The following IL13 variants were observed in gnomAD, a reference collection of about 807,000 sequenced individuals.
The protein encoded by IL13 is interleukin 13, also known as interleukin-13.
Under a neutral mutation model 11.1 loss-of-function variants are expected in IL13, and 9 were observed. The ratio of observed to expected loss-of-function variants is 0.81; its 90% CI spans 0.49 to 1.42. The LOEUF (loss-of-function observed/expected upper bound fraction) is 1.42, where lower values mean the gene tolerates loss of function less well. Ranked by LOEUF, IL13 falls within the 40% of genes most tolerant of loss-of-function variation. The pLI is 0.00. For synonymous variants in IL13, 75 were observed against 76.9 expected (o/e 0.97, Z 0.13); for missense variants, 181 against 182.5 (o/e 0.99, Z 0.05).
Position 132,660,061 on chromosome 5 carries a change from C to T in IL13, c.334-114C>T, listed in dbSNP as rs1752119533. On this transcript the variant is annotated intron_variant, in intron 3 of 3. Coordinates refer to ENST00000304506, the MANE Select transcript of IL13 (RefSeq NM_002188.3). ...CAGTAGAGGTACTAACAGTACCCAC[C>T]TCATGGGGACTTCCGTGAGGACTGA... 2.4e-6 allele frequency: 3 copies of T among 1,251,976 alleles called. No individual in the cohort carries two copies. In the South Asian group the frequency reaches 4.3e-5, roughly 18 times the overall value. The allele number at this position is 1,251,976 out of a possible 1,614,324, so 77.6% of individuals were successfully genotyped here. A position where few individuals can be genotyped will look rare whatever the true frequency, so the allele number is the denominator to read the frequency against.
chr5:132,660,153 T>C, intron 3 of IL13, 22 bp from the exon 4 acceptor site: 2 of 1,611,890 alleles, frequency 1.2e-6, no homozygotes, highest in South Asian at 2.2e-5. Flanking sequence ...TCTACTCATG[T>C]GCTGACCTCT....
At chr5:132,656,848 G>T (rs1438710448), upstream of IL13, among the ~76,000 whole-genome samples, 1 of 152,138 alleles carries the variant, frequency 6.6e-6, no homozygotes, top group Non-Finnish European at 1.5e-5. Flanking sequence ...TGGGAATGAC[G>T]TTCCCTGTGG....
chr5:132,657,949 G>A (rs914902326), upstream of IL13, among the ~76,000 whole-genome samples: 2 of 152,174 alleles, frequency 1.3e-5, no homozygotes, highest in African/African-American at 4.8e-5. Context: ...CTTGCCTGCC[G>A]CTGGAATTAA....
At chr5:132,660,095 G>A in intron 3 of IL13, 80 bp from the exon 4 acceptor site, 1 of 1,435,060 alleles carries the variant, frequency 7.0e-7, no homozygotes, top group South Asian at 1.2e-5. Flanking sequence ...GAATGAGACA[G>A]TCCCTGGAAA....
rs943472993 is a variant in IL13, at chr5:132,658,449, C to T, written c.174+89C>T. On this transcript the variant is annotated intron_variant, in intron 1 of 3. Coordinates refer to ENST00000304506, the MANE Select transcript of IL13 (RefSeq NM_002188.3). The stretch of plus-strand genomic sequence containing the variant: ...GGTCATGAGCAGGCTGGGCCTGGTC[C>T]TAAGATGCCTGTAGGTCAGGAAAAA... 14 of 730,258 alleles carry T rather than the reference C, an allele frequency of 1.9e-5. No individual in the cohort carries two copies. In the Admixed American group the frequency reaches 3.5e-4, roughly 18 times the overall value. The allele number at this position is 730,258 out of a possible 1,614,324, so 45.2% of individuals were successfully genotyped here. A position where few individuals can be genotyped will look rare whatever the true frequency, so the allele number is the denominator to read the frequency against.
In IL13 at chr5:132,660,202, A is replaced by T. The variant is rs1205550748; in HGVS notation, c.361A>T (p.Thr121Ser). 1 of 1,614,206 alleles carries T rather than the reference A, an allele frequency of 6.2e-7. No individual in the cohort carries two copies. Among genetic ancestry groups the T allele is most frequent in the South Asian group, 1.1e-5 (1 of 91,088 alleles). The change falls in exon 4 of 4, where the codon ACC becomes TCC. Residue 121 changes from threonine (T) to serine (S), a missense_variant. Thr to Ser is a moderately conservative substitution (Grantham distance 58). Transcript: ENST00000304506. ...GQFSSLHVRD[T>S]KIEVAQFVKD... ...GTTTTCCAGCTTGCATGTCCGAGACACCAAAATCGAGGTGGCCCAGTTTGT... is the reference window on the plus strand; with the variant it reads ...GTTTTCCAGCTTGCATGTCCGAGACTCCAAAATCGAGGTGGCCCAGTTTGT...
upstream of IL13, among the ~76,000 whole-genome samples, chr5:132,656,783 C>G (rs1752041155): frequency 6.6e-6 from 1 of 152,142 alleles, no homozygotes; most frequent in African/African-American, 2.4e-5. Context: ...GGGCAGACTT[C>G]TGGGAGTCAG....
At chr5:132,656,640 C>T (rs963138427), upstream of IL13, 2 of 152,720 alleles carry the variant, frequency 1.3e-5, no homozygotes, top group South Asian at 2.1e-4. Context: ...GGTAGTTCCC[C>T]GCTCCTTCCC....
intron 1 of IL13, chr5:132,658,736 G>T: frequency 4.8e-6 from 1 of 209,370 alleles, no homozygotes; most frequent in Non-Finnish European, 9.6e-6. Flanking sequence ...ATTCTCCCCA[G>T]CACCATCATA....
Position 132,660,490 on chromosome 5 carries a change from G to A in IL13, c.*208G>A. On this transcript the variant is annotated 3_prime_UTR_variant, in exon 4 of 4. Coordinates refer to ENST00000304506, the MANE Select transcript of IL13 (RefSeq NM_002188.3). ...CCCTTGCCCAGGGCTCAGCCTGGTG[G>A]GCCTCCTCTGTCCAGGGCCCTGAGC... 1.3e-6 allele frequency: 1 copy of A among 771,896 alleles called. No homozygotes were observed. The highest frequency in any genetic ancestry group is 1.9e-6 in the Non-Finnish European group (1 of 518,596). 47.8% of individuals were successfully genotyped at this position (771,896 alleles called of 1,614,324 possible).
chr5:132,658,102 A>G, upstream of IL13: 1 of 712,796 alleles, frequency 1.4e-6, no homozygotes, highest in East Asian at 2.5e-5. Context: ...TAGTGCCTGA[A>G]AAAGCAGAGA....
rs1752132349 is a variant in IL13 at position 132,660,489 on chromosome 5, G to A, written c.*207G>A. On this transcript the variant is annotated 3_prime_UTR_variant, in exon 4 of 4. Transcript: ENST00000304506. ...CCCCTTGCCCAGGGCTCAGCCTGGT[G>A]GGCCTCCTCTGTCCAGGGCCCTGAG... The A allele has an allele frequency of 1.3e-6, 1 of 792,878 alleles. No homozygotes were observed. The highest frequency in any genetic ancestry group is 1.9e-6 in the Non-Finnish European group (1 of 536,854). The allele number at this position is 792,878 out of a possible 1,614,324, so 49.1% of individuals were successfully genotyped here.
At chr5:132,658,571 C>T (rs1422221785) in intron 1 of IL13, 3 of 481,116 alleles carry the variant, frequency 6.2e-6, no homozygotes, top group African/African-American at 5.9e-5. Flanking sequence ...GTCTGGCAGA[C>T]TCCCCAGGGA....
rs1205406031 is a variant in IL13 at position 132,659,944 on chromosome 5, A to G, written c.333+116A>G. ...TGTGTGTCCACCCAGGGGTGGGGCC[A>G]TTGTGGCAGCAGGGACGTGGCCTTC... is the stretch of plus-strand genomic sequence containing the variant. On this transcript the variant is annotated intron_variant, in intron 3 of 3. Transcript: ENST00000304506. This position sits in a 1 kb window ranked among gnomAD's most constrained non-coding sequence, Gnocchi z 4.1. The G allele has an allele frequency of 8.7e-6, 13 of 1,490,688 alleles. No homozygotes were observed. The highest frequency in any genetic ancestry group is 2.8e-5 in the African/African-American group (2 of 71,654). 92.3% of individuals were successfully genotyped at this position (1,490,688 alleles called of 1,614,324 possible).
At chr5:132,658,402 G>A in intron 1 of IL13, 42 bp downstream of exon 1, 1 of 1,280,960 alleles carries the variant, frequency 7.8e-7, no homozygotes, top group East Asian at 2.4e-5. Context: ...GAGGGCTCCA[G>A]GGTGGGTGAT....
chr5:132,660,123 G>C (rs1752120886), intron 3 of IL13, 52 bp from the exon 4 acceptor site: 1 of 1,573,356 alleles, frequency 6.4e-7, no homozygotes. Flanking sequence ...GTTTGTGCGA[G>C]TCGTCCCGGC....
At chr5:132,660,083 C>A (rs936095335) in intron 3 of IL13, 92 bp from the exon 4 acceptor site, 3 of 1,367,406 alleles carry the variant, frequency 2.2e-6, no homozygotes, top group Non-Finnish European at 3.0e-6. Flanking sequence ...TCCGTGAGGA[C>A]TGAATGAGAC....
At chr5:132,657,831 G>A (rs997621964), upstream of IL13, among the ~76,000 whole-genome samples, 2 of 152,184 alleles carry the variant, frequency 1.3e-5, no homozygotes, top group Non-Finnish European at 2.9e-5. Flanking sequence ...AAGGGTCTGA[G>A]GACAGGAGCT....
chr5:132,660,279 C>A lies in IL13; in HGVS notation c.438C>A (p.Asn146Lys). 6.2e-7 allele frequency: 1 copy of A among 1,613,730 alleles called. No individual in the cohort carries two copies. Among genetic ancestry groups the A allele is most frequent in the East Asian group, 2.2e-5 (1 of 44,880 alleles). ...AACTTTTTCGCGAGGGACAGTTCAA[C>A]TGAAACTTCGAAAGCATCATTATTT... Reference protein sequence around the residue: ...LKKLFREGQFN With the variant: ...LKKLFREGQFK The change falls in exon 4 of 4, where the codon AAC becomes AAA. Residue 146 changes from asparagine (N) to lysine (K), a missense_variant. Coordinates refer to ENST00000304506, the MANE Select transcript of IL13 (RefSeq NM_002188.3).
Sources: allele counts gnomAD v4.1 joint callset (sites outside exome capture counted in the v4.1 genomes callset), GRCh38; gene constraint gnomAD v4.1.1; non-coding constraint Gnocchi (gnomAD v3.1); transcripts MANE v1.5; gene names NCBI Gene and HGNC (gene_info 2026-07-23, HGNC 2026-07-21).